Variants in ESR1 observed in about 807,000 individuals in gnomAD.
ESR1 encodes estrogen receptor.
Under a neutral mutation model 52.7 loss-of-function variants are expected in ESR1, and 12 were observed. The observed-to-expected ratio is 0.23, with a 90% confidence interval of 0.15 to 0.37. The LOEUF is 0.37. Ranked by LOEUF, ESR1 falls within the 10% of genes least tolerant of loss-of-function variation. The pLI is 1.00. For synonymous variants in ESR1, 305 were observed against 316.8 expected, an observed-to-expected ratio of 0.96 and a Z score of 0.39; for missense variants, 584 against 779.7, an observed-to-expected ratio of 0.75 and a Z score of 2.99.
At chr6:152,112,195 C>T (rs2051154147) in intron 6 of ESR1, among the ~76,000 whole-genome samples, 1 of 152,070 alleles carries the variant, frequency 6.6e-6, no homozygotes, top group Non-Finnish European at 1.5e-5. Context: ...CAAGGCAGCT[C>T]CAGGCTTCTG....
chr6:152,076,604 C>T lies in ESR1; in HGVS notation c.1369+15480C>T, dbSNP rs181774326. On this transcript the variant is annotated intron_variant, in intron 6 of 7. Coordinates refer to ENST00000206249, the MANE Select transcript of ESR1 (RefSeq NM_000125.4). ...GGGAAAGTTTGAAACTTCCTAGAGA[C>T]TTGTTGAATGGCCTTGACAAGAATA... Among the ~76,000 whole-genome samples, 594 of 152,280 alleles carry T rather than the reference C, an allele frequency of 3.9e-3. 5 individuals carry two copies. The highest frequency in any genetic ancestry group is 9.5e-3 in the African/African-American group (396 of 41,544).
chr6:151,805,729 G>A (rs1777740941), upstream of ESR1: 2 of 152,444 alleles, frequency 1.3e-5, no homozygotes, highest in African/African-American at 4.8e-5. Context: ...TCGCACATGC[G>A]AGCACATTCC....
Position 152,094,159 on chromosome 6 carries a change from C to G in ESR1, c.1370-226C>G, listed in dbSNP as rs1002955440. ...CTAACAGCCCCTTTCTGGGTCATGG[C>G]TCATACAAAGGAGCCCTCCTTGGTT... On this transcript the variant is annotated intron_variant, in intron 6 of 7. Transcript: ENST00000206249. This position sits in a 1 kb window ranked among gnomAD's most constrained non-coding sequence, Gnocchi z 4.6. Among the ~76,000 whole-genome samples, 4 of 152,180 alleles carry G rather than the reference C, an allele frequency of 2.6e-5. No individual in the cohort carries two copies. Among genetic ancestry groups the G allele is most frequent in the African/African-American group, 7.2e-5 (3 of 41,436 alleles).
chr6:152,122,259 C>A, intron 6 of ESR1: 1 of 925,548 alleles, frequency 1.1e-6, no homozygotes, highest in East Asian at 2.5e-5. Context: ...TCCCCCGTCA[C>A]TGTTTATCTT....
chr6:151,977,630 A>G (rs2039563855), intron 4 of ESR1, among the ~76,000 whole-genome samples: 1 of 151,910 alleles, frequency 6.6e-6, no homozygotes, highest in Non-Finnish European at 1.5e-5. Flanking sequence ...CCCTATATCT[A>G]CTAAAAATAC....
intron 6 of ESR1, among the ~76,000 whole-genome samples, chr6:152,085,195 T>G (rs572714139): frequency 9.2e-5 from 14 of 152,116 alleles, no homozygotes; most frequent in Admixed American, 8.5e-4. Context: ...CCCAGCTACT[T>G]GAGAGGCTGA....
At chr6:152,025,402 A>C (rs986600284) in intron 5 of ESR1, among the ~76,000 whole-genome samples, 1 of 151,848 alleles carries the variant, frequency 6.6e-6, no homozygotes, top group African/African-American at 2.4e-5. Flanking sequence ...GCTCTCTGGA[A>C]ACTTTATTTC....
chr6:151,659,674 C>G (rs764514547), intron 1 of ESR1, among the ~76,000 whole-genome samples: 3 of 152,186 alleles, frequency 2.0e-5, no homozygotes, highest in Non-Finnish European at 2.9e-5. Context: ...CAGGCAATGT[C>G]TTCTCTAATA....
At position 152,091,360 on chromosome 6, in the gene ESR1, G is replaced by A. The variant is rs35277710; in HGVS notation, c.1370-3025G>A. On this transcript the variant is annotated intron_variant, in intron 6 of 7. Coordinates refer to ENST00000206249, the MANE Select transcript of ESR1 (RefSeq NM_000125.4). ...ATATTTGCACAACTAGGAAGCATCTGCTGACAAGGATGAGATGATAAGCTG... is the reference window on the plus strand; with the variant it reads ...ATATTTGCACAACTAGGAAGCATCTACTGACAAGGATGAGATGATAAGCTG... Among the ~76,000 whole-genome samples, 460 of 152,302 alleles carry A rather than the reference G, an allele frequency of 3.0e-3. 4 individuals are homozygous for A. The highest frequency in any genetic ancestry group is 0.01 in the African/African-American group (430 of 41,566).
intron 6 of ESR1, among the ~76,000 whole-genome samples, chr6:152,073,713 G>C (rs921131426): frequency 1.3e-5 from 2 of 152,126 alleles, no homozygotes; most frequent in African/African-American, 4.8e-5. Context: ...TTTGAGCACT[G>C]GGCCAGAAGT....
rs571174739 is a variant in ESR1, at chr6:151,700,222, GT to G, written c.-201-1652del. On this transcript the variant is annotated intron_variant, in intron 1 of 2. Coordinates refer to the ESR1 transcript ENST00000404742. Reference sequence around the variant, plus strand: ...TACTTTAGATTAGTGGGTTGAAGTGGTGGAGGAAGCCCATATAATCTGACTT... The same window carrying G: ...TACTTTAGATTAGTGGGTTGAAGTGGGGAGGAAGCCCATATAATCTGACTT... 3.2e-4 allele frequency among the ~76,000 whole-genome samples: 48 copies of G among 152,280 alleles called. No homozygotes were observed. The East Asian group carries it at 7.7e-3, about 24-fold the overall frequency.
At chr6:151,971,257 T>C (rs569518184) in intron 4 of ESR1, among the ~76,000 whole-genome samples, 19 of 152,186 alleles carry the variant, frequency 1.2e-4, no homozygotes, top group Non-Finnish European at 1.3e-4. Flanking sequence ...ATAAGTTCTT[T>C]AGTGGTGATT....
At chr6:151,963,666 C>T (rs938134175) in intron 4 of ESR1, among the ~76,000 whole-genome samples, 5 of 152,260 alleles carry the variant, frequency 3.3e-5, no homozygotes, top group East Asian at 1.9e-4. Context: ...CTTTGCTGTG[C>T]GGAAAGCTTT....
intron 1 of ESR1, among the ~76,000 whole-genome samples, chr6:151,810,671 G>A (rs145894206): frequency 1.5e-4 from 23 of 152,278 alleles, no homozygotes; most frequent in Non-Finnish European, 2.6e-4. Flanking sequence ...AAATGGAAAG[G>A]AATATAATAG....
At chr6:151,883,388 A>G (rs1341897487) in intron 3 of ESR1, among the ~76,000 whole-genome samples, 1 of 151,462 alleles carries the variant, frequency 6.6e-6, no homozygotes, top group East Asian at 2.0e-4. Flanking sequence ...TCGGCTTCCT[A>G]AAGTGCTGGG....
intron 2 of ESR1, among the ~76,000 whole-genome samples, chr6:151,872,071 G>A (rs1334031426): frequency 6.6e-6 from 1 of 152,110 alleles, no homozygotes; most frequent in Admixed American, 6.5e-5. Context: ...TTGAGTTTCT[G>A]CTTTCAATTA....
At chr6:151,681,052 C>T (rs891897041) in intron 1 of ESR1, among the ~76,000 whole-genome samples, 2 of 152,148 alleles carry the variant, frequency 1.3e-5, no homozygotes, top group African/African-American at 2.4e-5. Context: ...TGCCAGCTGC[C>T]TGGGATGGCT....
At chr6:152,110,692 C>A (rs1307239546) in intron 6 of ESR1, among the ~76,000 whole-genome samples, 2 of 152,034 alleles carry the variant, frequency 1.3e-5, no homozygotes, top group East Asian at 3.9e-4. Context: ...AAGTTTTTTT[C>A]AAAAATTGCA....
At chr6:151,809,326 T>A (rs780178079) in intron 1 of ESR1, 13 of 295,066 alleles carry the variant, frequency 4.4e-5, no homozygotes, top group Non-Finnish European at 7.4e-5. Flanking sequence ...TTTCTCCCTC[T>A]CCTCTCCCTC....
Sources: gnomAD v4.1 joint callset for allele counts (sites outside exome capture counted in the v4.1 genomes callset) on GRCh38, gnomAD v4.1.1 for gene constraint, Gnocchi (gnomAD v3.1) non-coding constraint, MANE v1.5 for transcripts, NCBI Gene and HGNC (gene_info 2026-07-23, HGNC 2026-07-21) for gene names.